Variants in C2CD2 observed in about 807,000 individuals in gnomAD.
The protein encoded by C2CD2 is C2 calcium dependent domain containing 2, also known as C2 domain-containing protein 2.
In C2CD2, 43 loss-of-function variants were observed where a neutral mutation model predicts 74.3. The ratio of observed to expected loss-of-function variants is 0.58; its 90% CI spans 0.45 to 0.75. The LOEUF is 0.75. Among genes scored for constraint, C2CD2 ranks in the 30% least tolerant of loss-of-function variants. The pLI, the probability that C2CD2 is intolerant of heterozygous loss-of-function variation, is 0.00. For missense variants in C2CD2, 801 were observed against 916.3 expected, an observed-to-expected ratio of 0.87 and a Z score of 1.63; for synonymous variants, 422 against 390.7, an observed-to-expected ratio of 1.08 and a Z score of -0.94.
At chr21:41,938,478 A>G (rs1569080635) in intron 2 of C2CD2, among the ~76,000 whole-genome samples, 1 of 152,094 alleles carries the variant, frequency 6.6e-6, no homozygotes, top group Admixed American at 6.6e-5. Flanking sequence ...TGTTGTATCA[A>G]CCATCATCAC....
At chr21:41,894,496 C>T (rs1601544252) in intron 13 of C2CD2, 4 of 388,952 alleles carry the variant, frequency 1.0e-5, no homozygotes, top group South Asian at 7.7e-5. Context: ...CTAAGGACAG[C>T]GTCTGAGAAG....
chr21:41,933,187 C>T (rs978300969), intron 2 of C2CD2, among the ~76,000 whole-genome samples: 1 of 150,256 alleles, frequency 6.7e-6, no homozygotes, highest in Non-Finnish European at 1.5e-5. Flanking sequence ...AAGGGAGGGG[C>T]GATGCCCTGG....
intron 2 of C2CD2, among the ~76,000 whole-genome samples, chr21:41,927,764 C>T (rs574671135): frequency 2.6e-5 from 4 of 152,176 alleles, no homozygotes; most frequent in East Asian, 1.9e-4. Flanking sequence ...CCACTGTGCC[C>T]GGCCAAAGAT....
At chr21:41,906,161 C>T (rs534979483) in intron 10 of C2CD2, among the ~76,000 whole-genome samples, 4 of 152,304 alleles carry the variant, frequency 2.6e-5, no homozygotes, top group African/African-American at 4.8e-5. Context: ...ATAAAGCATA[C>T]GCTTATACAG....
intron 1 of C2CD2, among the ~76,000 whole-genome samples, chr21:41,947,027 G>A (rs989066411): frequency 6.6e-6 from 1 of 152,060 alleles, no homozygotes; most frequent in Non-Finnish European, 1.5e-5. Context: ...TGGAAAACTG[G>A]TGAAATTCAA....
rs375754069 is a variant in C2CD2 at position 41,944,890 on chromosome 21, C to T, written c.280-2645G>A. On this transcript the variant is annotated intron_variant, in intron 1 of 13. Transcript: ENST00000380486. ...ATATTAAAACAGACTATAGAAACCC[C>T]GTAATTAAAACTGTGTGGCTCTGGT... 5.9e-5 allele frequency among the ~76,000 whole-genome samples: 9 copies of T among 152,282 alleles called. No individual in the cohort carries two copies. The East Asian group carries it at 1.5e-3, about 26-fold the overall frequency.
Position 41,926,427 on chromosome 21 carries a change from G to A in C2CD2, c.379-4342C>T, listed in dbSNP as rs527509256. On this transcript the variant is annotated intron_variant, in intron 2 of 13. Coordinates refer to ENST00000380486, the MANE Select transcript of C2CD2 (RefSeq NM_015500.2). This position sits in a 1 kb window ranked among gnomAD's most constrained non-coding sequence, Gnocchi z 8.0. ...CGGTTGGCAGGTGAGGGTTTGGGTC[G>A]GGGAGCCCTGGGCAGCAGATGGAAG... The A allele has an allele frequency of 3.0e-5, 29 of 981,618 alleles. No individual in the cohort carries two copies. The highest frequency in any genetic ancestry group is 1.6e-4 in the African/African-American group (9 of 57,188). The allele number at this position is 981,618 out of a possible 1,614,324, so 60.8% of individuals were successfully genotyped here. A position where few individuals can be genotyped will look rare whatever the true frequency, so the allele number is the denominator to read the frequency against.
At position 41,916,600 on chromosome 21, in the gene C2CD2, G is replaced by A. The variant is rs555998919; in HGVS notation, c.720+1505C>T. On this transcript the variant is annotated intron_variant, in intron 5 of 13. Transcript: ENST00000380486. ...CTAGAATTACCCCACAGACTCTCCC[G>A]GGGCTGCAGCTTACCAAATGCAGAT... Among the ~76,000 whole-genome samples, 158 of 151,390 alleles carry A rather than the reference G, an allele frequency of 1.0e-3. 1 individual carries two copies. The highest frequency in any genetic ancestry group is 2.0e-3 in the African/African-American group (84 of 41,240).
At position 41,947,298 on chromosome 21, in the gene C2CD2, T is replaced by C. The variant is rs138986274; in HGVS notation, c.280-5053A>G. On this transcript the variant is annotated intron_variant, in intron 1 of 13. Coordinates refer to ENST00000380486, the MANE Select transcript of C2CD2 (RefSeq NM_015500.2). Reference sequence around the variant, plus strand: ...TCAGCATCCCGAGTAGCTGGGATTATAGGCATGCACCACCACGCCCAGCTA... The same window carrying C: ...TCAGCATCCCGAGTAGCTGGGATTACAGGCATGCACCACCACGCCCAGCTA... Among the ~76,000 whole-genome samples, 876 of 151,888 alleles carry C rather than the reference T, an allele frequency of 5.8e-3. 7 individuals are homozygous for C. Among genetic ancestry groups the C allele is most frequent in the Non-Finnish European group, 8.5e-3 (577 of 67,946 alleles).
chr21:41,942,188 C>A lies in C2CD2; in HGVS notation c.337G>T (p.Val113Leu). Residue 113 changes from valine (V) to leucine (L), a missense_variant, in exon 2 of 14, where the codon GTG becomes TTG. Coordinates refer to ENST00000380486, the MANE Select transcript of C2CD2 (RefSeq NM_015500.2). ...CTGAGCACGCTGGAGACCTCCTGCA[C>A]CACCAGCTCCAGTGCCTGCTGCCGC... The part of the protein sequence containing the change: ...DPRQQALELV[V>L]QEVSSVLRSA... The A allele has an allele frequency of 6.5e-6, 10 of 1,549,522 alleles. No homozygotes were observed. Among genetic ancestry groups the A allele is most frequent in the Non-Finnish European group, 7.8e-6 (9 of 1,146,830 alleles).
At chr21:41,947,727 C>T (rs2065413398) in intron 1 of C2CD2, among the ~76,000 whole-genome samples, 1 of 152,204 alleles carries the variant, frequency 6.6e-6, no homozygotes, top group South Asian at 2.1e-4. Flanking sequence ...CAGATCTGAT[C>T]TCACCTCTAG....
intron 8 of C2CD2, 61 bp downstream of exon 8, chr21:41,909,398 G>C: frequency 8.8e-7 from 1 of 1,136,120 alleles, no homozygotes; most frequent in South Asian, 1.2e-5. Flanking sequence ...TCCTGAGGCC[G>C]AGGTCATGCA....
At chr21:41,913,093 C>A (rs1346132428) in intron 6 of C2CD2, among the ~76,000 whole-genome samples, 1 of 152,256 alleles carries the variant, frequency 6.6e-6, no homozygotes, top group Non-Finnish European at 1.5e-5. Context: ...ATGGTCCCCA[C>A]TTTTAGACAA....
At chr21:41,912,647 C>CTGT (rs2065041427) in intron 6 of C2CD2, among the ~76,000 whole-genome samples, 1 of 152,128 alleles carries the variant, frequency 6.6e-6, no homozygotes. Context: ...CACGCCTCCA[C>CTGT]GCTCAGCTAA....
At chr21:41,910,143 T>G (rs2065010465) in intron 7 of C2CD2, among the ~76,000 whole-genome samples, 1 of 152,190 alleles carries the variant, frequency 6.6e-6, no homozygotes, top group Non-Finnish European at 1.5e-5. Context: ...CTGTAACCTA[T>G]TCTTTTAACT....
In C2CD2 at chr21:41,895,336, A is replaced by T. The variant is rs140306498; in HGVS notation, c.1870+3717T>A. The stretch of plus-strand genomic sequence containing the variant: ...ACTGATCCAGTAACTGATGGTCTGG[A>T]TCAAGCAGATCATCTGCTTGACTTT... On this transcript the variant is annotated intron_variant, in intron 13 of 13. Transcript: ENST00000380486. The surrounding 1 kb of genome is among the most constrained non-coding windows in gnomAD (Gnocchi z 5.0). Among the ~76,000 whole-genome samples, 18 of 152,160 alleles carry T rather than the reference A, an allele frequency of 1.2e-4. No homozygotes were observed. Among genetic ancestry groups the T allele is most frequent in the Non-Finnish European group, 1.9e-4 (13 of 67,990 alleles).
intron 13 of C2CD2, 55 bp from the exon 14 acceptor site, chr21:41,889,399 T>C: frequency 8.2e-7 from 1 of 1,217,172 alleles, no homozygotes; most frequent in Admixed American, 1.8e-5. Context: ...AGGGGCTGAA[T>C]GACTGGTCCA....
chr21:41,944,521 CA>C (rs369422328), intron 1 of C2CD2, among the ~76,000 whole-genome samples: 15,984 of 97,530 alleles, frequency 0.16, 733 homozygotes, highest in Non-Finnish European at 0.22. Context: ...GACTCTGCCT[CA>C]AAAAAAAAAA....
At chr21:41,937,571 T>C (rs1461221339) in intron 2 of C2CD2, among the ~76,000 whole-genome samples, 2 of 152,232 alleles carry the variant, frequency 1.3e-5, no homozygotes, top group African/African-American at 4.8e-5. Flanking sequence ...ATACGGATTT[T>C]TGATGGCACA....
Sources: gnomAD v4.1 joint callset for allele counts (sites outside exome capture counted in the v4.1 genomes callset) on GRCh38, gnomAD v4.1.1 for gene constraint, Gnocchi (gnomAD v3.1) non-coding constraint, MANE v1.5 for transcripts, NCBI Gene and HGNC (gene_info 2026-07-23, HGNC 2026-07-21) for gene names.